The following F13A1 variants were observed in gnomAD, a reference collection of about 807,000 sequenced individuals.
The protein encoded by F13A1 is coagulation factor XIII A chain.
Under a neutral mutation model 80.1 loss-of-function variants are expected in F13A1, and 47 were observed. The ratio of observed to expected loss-of-function variants is 0.59; its 90% CI spans 0.46 to 0.75. F13A1 has a LOEUF of 0.75. Among genes scored for constraint, F13A1 ranks in the 30% least tolerant of loss-of-function variants. The probability of loss-of-function intolerance (pLI) is 0.00; values close to 1 mark genes in which losing one functional copy is unlikely to be tolerated. For synonymous variants in F13A1, 349 were observed against 344.9 expected (o/e 1.01, Z -0.13); for missense variants, 817 against 930.4 (o/e 0.88, Z 1.59).
At chr6:6,190,114 T>C (rs1761159066) in intron 10 of F13A1, among the ~76,000 whole-genome samples, 2 of 152,032 alleles carry the variant, frequency 1.3e-5, no homozygotes, top group Admixed American at 1.3e-4. Context: ...TTATTCTAGT[T>C]ATACATTCTT....
intron 12 of F13A1, 80 bp from the exon 13 acceptor site, chr6:6,167,698 C>T: frequency 6.6e-7 from 1 of 1,526,268 alleles, no homozygotes; most frequent in Non-Finnish European, 8.9e-7. Context: ...GTTTCCCTAC[C>T]CCTCCCACAT....
intron 14 of F13A1, among the ~76,000 whole-genome samples, chr6:6,146,997 A>G (rs1297920958): frequency 6.6e-6 from 1 of 152,238 alleles, no homozygotes; most frequent in East Asian, 1.9e-4. Flanking sequence ...AAACAATGGA[A>G]TTCACAGTGA....
At chr6:6,245,102 C>A (rs1016168723) in intron 6 of F13A1, among the ~76,000 whole-genome samples, 10 of 152,178 alleles carry the variant, frequency 6.6e-5, no homozygotes, top group Admixed American at 1.3e-4. Context: ...TGACAACTTG[C>A]ATCCCCCAGG....
intron 3 of F13A1, among the ~76,000 whole-genome samples, chr6:6,284,596 C>A (rs111812071): frequency 6.6e-6 from 1 of 152,182 alleles, no homozygotes. Flanking sequence ...CCTTTCCTGC[C>A]GCTGCAAGCT....
At chr6:6,248,915 T>A (rs1036943122) in intron 5 of F13A1, among the ~76,000 whole-genome samples, 2 of 152,280 alleles carry the variant, frequency 1.3e-5, no homozygotes, top group South Asian at 4.1e-4. Flanking sequence ...GGAGACCTCA[T>A]ATAGTGACTG....
intron 3 of F13A1, among the ~76,000 whole-genome samples, chr6:6,274,526 C>G (rs1338548405): frequency 6.6e-6 from 1 of 152,138 alleles, no homozygotes; most frequent in Admixed American, 6.5e-5. Context: ...CAGGATGATG[C>G]CAGTGGCATT....
intron 11 of F13A1, 68 bp from the exon 12 acceptor site, chr6:6,174,935 A>T (rs879892128): frequency 6.3e-7 from 1 of 1,581,338 alleles, no homozygotes; most frequent in Admixed American, 1.7e-5. Flanking sequence ...ACATTAATGG[A>T]TGCACCGTGT....
chr6:6,303,190 G>A (rs558134647), intron 3 of F13A1, among the ~76,000 whole-genome samples: 23 of 152,004 alleles, frequency 1.5e-4, no homozygotes, highest in Non-Finnish European at 2.4e-4. Context: ...TCTGATAGCC[G>A]CTTCAGAAAG....
At chr6:6,157,116 G>T (rs2151069892) in intron 13 of F13A1, among the ~76,000 whole-genome samples, 1 of 152,274 alleles carries the variant, frequency 6.6e-6, no homozygotes, top group Admixed American at 6.5e-5. Context: ...TCCTGACTCT[G>T]GTTAATGACA....
intron 3 of F13A1, among the ~76,000 whole-genome samples, chr6:6,301,235 G>A (rs761180463): frequency 6.6e-6 from 1 of 152,200 alleles, no homozygotes; most frequent in Non-Finnish European, 1.5e-5. Flanking sequence ...CAGCCATGAA[G>A]TTGAGGCTCT....
chr6:6,152,391 C>T (rs750170954), intron 13 of F13A1, among the ~76,000 whole-genome samples: 1 of 152,208 alleles, frequency 6.6e-6, no homozygotes, highest in Non-Finnish European at 1.5e-5. Flanking sequence ...TAGTTTTAGA[C>T]ACATTCGCAA....
chr6:6,304,022 A>C (rs1461577413), intron 3 of F13A1, among the ~76,000 whole-genome samples: 1 of 152,158 alleles, frequency 6.6e-6, no homozygotes, highest in Non-Finnish European at 1.5e-5. Flanking sequence ...TTTACTTCTT[A>C]GTTTCCAGCA....
chr6:6,265,391 C>G (rs760514375), intron 4 of F13A1, among the ~76,000 whole-genome samples: 16 of 152,178 alleles, frequency 1.1e-4, no homozygotes, highest in Non-Finnish European at 2.1e-4. Context: ...GAAGTGGTCT[C>G]TCCCACATTG....
chr6:6,149,333 T>C lies in F13A1; in HGVS notation c.2045+2480A>G, dbSNP rs536589282. On this transcript the variant is annotated intron_variant, in intron 14 of 14. Transcript: ENST00000264870. ...AACATCAAATTGCCCCACATAAATA[T>C]GTAGAATTACAATGTGTCAGTAAAA... is the stretch of plus-strand genomic sequence containing the variant. 2.4e-4 allele frequency among the ~76,000 whole-genome samples: 36 copies of C among 152,236 alleles called. No homozygotes were observed. The East Asian group carries it at 6.6e-3, about 28-fold the overall frequency.
intron 4 of F13A1, among the ~76,000 whole-genome samples, chr6:6,263,930 C>T (rs1757810355): frequency 6.6e-6 from 1 of 152,220 alleles, no homozygotes; most frequent in African/African-American, 2.4e-5. Context: ...CATCTTTGTC[C>T]TAGACCACAG....
chr6:6,190,954 A>T (rs1169190263), intron 10 of F13A1, among the ~76,000 whole-genome samples: 1 of 152,158 alleles, frequency 6.6e-6, no homozygotes, highest in Non-Finnish European at 1.5e-5. Context: ...CCGTCGGAAA[A>T]GCGCAGTATT....
chr6:6,153,027 A>G (rs887732413), intron 13 of F13A1, among the ~76,000 whole-genome samples: 3 of 152,260 alleles, frequency 2.0e-5, no homozygotes, highest in African/African-American at 7.2e-5. Context: ...TTTTTAGGGT[A>G]GCAATGCTCT....
At chr6:6,316,067 A>ATGTG (rs1204457999) in intron 2 of F13A1, among the ~76,000 whole-genome samples, 4 of 86,664 alleles carry the variant, frequency 4.6e-5, no homozygotes, top group Non-Finnish European at 9.3e-5. Flanking sequence ...GTGTGCTGCT[A>ATGTG]TGTGTGTGTG....
chr6:6,269,108 A>G (rs1203921970), intron 3 of F13A1, among the ~76,000 whole-genome samples: 2 of 152,154 alleles, frequency 1.3e-5, no homozygotes. Flanking sequence ...GTCCCAAGGA[A>G]AGTACGTTAC....
Sources: gnomAD v4.1 joint callset for allele counts (sites outside exome capture counted in the v4.1 genomes callset) on GRCh38, gnomAD v4.1.1 for gene constraint, MANE v1.5 for transcripts, NCBI Gene and HGNC (gene_info 2026-07-23, HGNC 2026-07-21) for gene names.